Variants in ANKRD16 observed in about 807,000 individuals in gnomAD.
ANKRD16 encodes the protein ankyrin repeat domain 16, also known as ankyrin repeat domain-containing protein 16.
In ANKRD16, 35 loss-of-function variants were observed where a neutral mutation model predicts 37.9. The observed-to-expected ratio is 0.92, with a 90% CI of 0.71 to 1.23. The LOEUF (loss-of-function observed/expected upper bound fraction) is 1.23. Ranked by LOEUF, ANKRD16 falls within the 50% of genes most tolerant of loss-of-function variation. The pLI, the probability that ANKRD16 is intolerant of heterozygous loss-of-function variation, is 0.00. For synonymous variants in ANKRD16, 206 were observed against 197.2 expected, an observed-to-expected ratio of 1.04 and a Z score of -0.37; for missense variants, 480 against 469.9, an observed-to-expected ratio of 1.02 and a Z score of -0.20.
Position 5,889,073 on chromosome 10 carries a change from C to T in ANKRD16, c.282G>A (p.Gly94=). The T allele has an allele frequency of 6.4e-7, 1 of 1,562,060 alleles. No individual in the cohort carries two copies. The highest frequency in any genetic ancestry group is 8.6e-7 in the Non-Finnish European group (1 of 1,160,260). The change falls in exon 1 of 8, where the codon GGG becomes GGA. Residue 94 remains glycine (G), a synonymous_variant. Coordinates refer to ENST00000380094, the MANE Select transcript of ANKRD16 (RefSeq NM_019046.3). ...CCTTCTTCAGGCAGTCGACCGCTGCCCCCCGGCCCAGCAGGTAGCGCACGC... is the reference window on the plus strand; with the variant it reads ...CCTTCTTCAGGCAGTCGACCGCTGCTCCCCGGCCCAGCAGGTAGCGCACGC... ...RDCVRYLLGR[G]AAVDCLKKAD...
Position 5,863,995 on chromosome 10 carries a change from A to C in ANKRD16, c.*34-1304T>G, listed in dbSNP as rs1201906732. Among the ~76,000 whole-genome samples, 1 of 152,104 alleles carries C rather than the reference A, an allele frequency of 6.6e-6. No individual in the cohort carries two copies. Among genetic ancestry groups the C allele is most frequent in the Non-Finnish European group, 1.5e-5 (1 of 68,030 alleles). ...CAGTTTGACCCACAAACCCTGAAAA[A>C]GAGGTGGCTCATTTTTTTCTGCACT... On this transcript the variant is annotated intron_variant, in intron 7 of 7. Coordinates refer to ENST00000380094, the MANE Select transcript of ANKRD16 (RefSeq NM_019046.3). This position sits in a 1 kb window ranked among gnomAD's most constrained non-coding sequence, Gnocchi z 4.7.
intron 6 of ANKRD16, among the ~76,000 whole-genome samples, chr10:5,880,095 T>C (rs780289266): frequency 6.9e-6 from 1 of 145,610 alleles, no homozygotes; most frequent in Non-Finnish European, 1.5e-5. Flanking sequence ...GAGGTGGATG[T>C]TGCAGAGAGC....
intron 7 of ANKRD16, among the ~76,000 whole-genome samples, chr10:5,867,801 G>T (rs1032744148): frequency 1.3e-5 from 2 of 152,168 alleles, no homozygotes; most frequent in African/African-American, 4.8e-5. Context: ...TTCTCAGACA[G>T]CTTGCAAGAA....
Position 5,866,268 on chromosome 10 carries a change from G to A in ANKRD16, c.*34-3577C>T, listed in dbSNP as rs187840890. 1.7e-4 allele frequency among the ~76,000 whole-genome samples: 26 copies of A among 152,276 alleles called. No individual in the cohort carries two copies. Among genetic ancestry groups the A allele is most frequent in the African/African-American group, 5.8e-4 (24 of 41,554 alleles). ...ACCGATCGAGCATGACTGCCAACAA[G>A]TTATAGTCCAGACTTATGCTGCCCG... On this transcript the variant is annotated intron_variant, in intron 7 of 7. Transcript: ENST00000380094. The surrounding 1 kb of genome is among the most constrained non-coding windows in gnomAD (Gnocchi z 4.3).
At position 5,870,404 on chromosome 10, in the gene ANKRD16, C is replaced by CTT. The variant is rs771792284; in HGVS notation, c.*33+7691_*33+7692dup. Reference sequence around the variant, plus strand: ...GCCAGTCCTCATTCCCTCCCTACTGCTTTTTTTTTTTTTTTTTGAAACAGG... The same window carrying CTT: ...GCCAGTCCTCATTCCCTCCCTACTGCTTTTTTTTTTTTTTTTTTTGAAACAGG... On this transcript the variant is annotated intron_variant, in intron 7 of 7. Coordinates refer to ENST00000380094, the MANE Select transcript of ANKRD16 (RefSeq NM_019046.3). This position sits in a 1 kb window ranked among gnomAD's most constrained non-coding sequence, Gnocchi z 5.0. Among the ~76,000 whole-genome samples the CTT allele has an allele frequency of 0.01, 1,411 of 136,948 alleles. 13 individuals are homozygous for CTT. The highest frequency in any genetic ancestry group is 0.029 in the African/African-American group (1,078 of 37,276). The allele number at this position is 136,948 out of a possible 152,430, so 89.8% of individuals were successfully genotyped here.
chr10:5,865,350 A>G lies in ANKRD16; in HGVS notation c.*34-2659T>C, dbSNP rs1841998350. On this transcript the variant is annotated intron_variant, in intron 7 of 7. Transcript: ENST00000380094. The surrounding 1 kb of genome is among the most constrained non-coding windows in gnomAD (Gnocchi z 4.7). The stretch of plus-strand genomic sequence containing the variant: ...CTCTGGGCCAGAAGCCCCCAACCAG[A>G]TGATCCAACAACAGGACCGAGGGTG... Among the ~76,000 whole-genome samples the G allele has an allele frequency of 6.6e-6, 1 of 152,228 alleles. No individual in the cohort carries two copies. Among genetic ancestry groups the G allele is most frequent in the South Asian group, 2.1e-4 (1 of 4,832 alleles).
Position 5,878,170 on chromosome 10 carries a change from G to A in ANKRD16, c.1046C>T (p.Ala349Val). Residue 349 changes from alanine to valine, a missense_variant, in exon 7 of 8, where the codon GCA becomes GTA. Coordinates refer to ENST00000380094, the MANE Select transcript of ANKRD16 (RefSeq NM_019046.3). The surrounding 1 kb of genome is among the most constrained non-coding windows in gnomAD (Gnocchi z 5.1). ...GTLAQQLPRR[A>V]DVLQGSGHSA... ...ATGGCCAGAGCCCTGAAGGACATCT[G>A]CTCTCCTTGGGAGCTGCTGAGCCAG... The A allele has an allele frequency of 1.2e-6, 2 of 1,614,120 alleles. No individual in the cohort carries two copies.
rs181503323 is a variant in ANKRD16 at position 5,885,815 on chromosome 10, A to C, written c.536-50T>G. ...ATTAGAGCTTTTTAGTGCACACACA[A>C]AATGCTTCCTGCCTCCTGGCTTTGC... On this transcript the variant is annotated intron_variant, in intron 2 of 7. Coordinates refer to ENST00000380094, the MANE Select transcript of ANKRD16 (RefSeq NM_019046.3). 2.6e-6 allele frequency: 4 copies of C among 1,562,442 alleles called. No homozygotes were observed. In the African/African-American group the frequency reaches 5.5e-5, roughly 22 times the overall value.
At position 5,864,242 on chromosome 10, in the gene ANKRD16, G is replaced by T. The variant is rs1411620325; in HGVS notation, c.*34-1551C>A. Among the ~76,000 whole-genome samples the T allele has an allele frequency of 6.6e-6, 1 of 151,938 alleles. No homozygotes were observed. The highest frequency in any genetic ancestry group is 1.5e-5 in the Non-Finnish European group (1 of 68,006). ...CTTCTCAGCTTACCCCCAGATCCTA[G>T]CCTCCCTATAGCCCCTTCCTATTAA... On this transcript the variant is annotated intron_variant, in intron 7 of 7. Coordinates refer to ENST00000380094, the MANE Select transcript of ANKRD16 (RefSeq NM_019046.3). The surrounding 1 kb of genome is among the most constrained non-coding windows in gnomAD (Gnocchi z 4.4).
At chr10:5,887,222 G>A (rs1408451548) in intron 2 of ANKRD16, among the ~76,000 whole-genome samples, 1 of 152,156 alleles carries the variant, frequency 6.6e-6, no homozygotes, top group Non-Finnish European at 1.5e-5. Context: ...CCTTACCCAA[G>A]GTCAAAGACT....
chr10:5,885,620 A>G, intron 3 of ANKRD16, 103 bp downstream of exon 3: 2 of 1,271,576 alleles, frequency 1.6e-6, no homozygotes, highest in Non-Finnish European at 2.2e-6. Flanking sequence ...TTGAAAGCCT[A>G]ATTTTTTTCT....
rs1842016055 is a variant in ANKRD16 at position 5,866,519 on chromosome 10, T to C, written c.*34-3828A>G. 2.6e-5 allele frequency among the ~76,000 whole-genome samples: 4 copies of C among 152,230 alleles called. No individual in the cohort carries two copies. The South Asian group carries it at 8.3e-4, about 31-fold the overall frequency. On this transcript the variant is annotated intron_variant, in intron 7 of 7. Transcript: ENST00000380094. The surrounding 1 kb of genome is among the most constrained non-coding windows in gnomAD (Gnocchi z 4.3). ...GGGAAAGGAAAGGAGAATAAATGTG[T>C]ATACAGATAGCAAGTATGCTTATCT...
Position 5,865,659 on chromosome 10 carries a change from C to T in ANKRD16, c.*34-2968G>A, listed in dbSNP as rs1842002782. On this transcript the variant is annotated intron_variant, in intron 7 of 7. Transcript: ENST00000380094. The surrounding 1 kb of genome is among the most constrained non-coding windows in gnomAD (Gnocchi z 4.7). ...CCTCAGTTGTAATTCGGATGCTTTG[C>T]TCTTTTCACATGACTTTCTTGTTAT... Among the ~76,000 whole-genome samples the T allele has an allele frequency of 6.6e-6, 1 of 152,244 alleles. No homozygotes were observed. Among genetic ancestry groups the T allele is most frequent in the African/African-American group, 2.4e-5 (1 of 41,464 alleles).
In ANKRD16 at chr10:5,865,143, C is replaced by T. The variant is rs180997083; in HGVS notation, c.*34-2452G>A. Among the ~76,000 whole-genome samples the T allele has an allele frequency of 1.2e-3, 187 of 152,302 alleles. 1 individual carries two copies. The highest frequency in any genetic ancestry group is 4.3e-3 in the African/African-American group (180 of 41,564). On this transcript the variant is annotated intron_variant, in intron 7 of 7. Transcript: ENST00000380094. The surrounding 1 kb of genome is among the most constrained non-coding windows in gnomAD (Gnocchi z 4.7). ...AGTCATGGCCCTCAGACAAACCAAC[C>T]TTGGTGGTTCAGAGAGCACAGAAAA...
intron 7 of ANKRD16, among the ~76,000 whole-genome samples, chr10:5,867,126 C>T (rs1160234346): frequency 6.6e-5 from 10 of 152,208 alleles, no homozygotes. Context: ...CCAATACCAC[C>T]TTGTTATCAG....
Position 5,870,832 on chromosome 10 carries a change from T to C in ANKRD16, c.*33+7265A>G, listed in dbSNP as rs2131757191. On this transcript the variant is annotated intron_variant, in intron 7 of 7. Coordinates refer to ENST00000380094, the MANE Select transcript of ANKRD16 (RefSeq NM_019046.3). The surrounding 1 kb of genome is among the most constrained non-coding windows in gnomAD (Gnocchi z 5.0). ...GAGGTGTCATGTTGGTTGAAATGCC[T>C]GCAGAACCCTCCTGTTGCTGTGCTC... Among the ~76,000 whole-genome samples, 1 of 152,336 alleles carries C rather than the reference T, an allele frequency of 6.6e-6. No individual in the cohort carries two copies. Among genetic ancestry groups the C allele is most frequent in the South Asian group, 2.1e-4 (1 of 4,826 alleles).
chr10:5,883,269 G>T, intron 4 of ANKRD16, 102 bp from the exon 5 acceptor site: 1 of 1,202,796 alleles, frequency 8.3e-7, no homozygotes. Context: ...AGCTGTTTAC[G>T]CACAACTCTC....
rs189995642 is a variant in ANKRD16, at chr10:5,868,506, A to G, written c.*34-5815T>C. On this transcript the variant is annotated intron_variant, in intron 7 of 7. Coordinates refer to ENST00000380094, the MANE Select transcript of ANKRD16 (RefSeq NM_019046.3). This position sits in a 1 kb window ranked among gnomAD's most constrained non-coding sequence, Gnocchi z 4.9. ...GTAAATGCACCAATCAGCACTCTAT[A>G]AAAATGCACCAATCAGCGCTCTGTG... 8.9e-4 allele frequency among the ~76,000 whole-genome samples: 135 copies of G among 152,300 alleles called. No individual in the cohort carries two copies. The highest frequency in any genetic ancestry group is 3.2e-3 in the African/African-American group (133 of 41,554).
chr10:5,862,905 T>C lies in ANKRD16; in HGVS notation c.*34-214A>G, dbSNP rs545275544. Among the ~76,000 whole-genome samples, 26 of 152,154 alleles carry C rather than the reference T, an allele frequency of 1.7e-4. No homozygotes were observed. Among genetic ancestry groups the C allele is most frequent in the Admixed American group, 9.2e-4 (14 of 15,290 alleles). The stretch of plus-strand genomic sequence containing the variant: ...GCGCTAGATAGTAACAAGCTGTGTG[T>C]TTTGGGCATTTCCCCTGTACCAGAC... On this transcript the variant is annotated intron_variant, in intron 7 of 7. Coordinates refer to ENST00000380094, the MANE Select transcript of ANKRD16 (RefSeq NM_019046.3). This position sits in a 1 kb window ranked among gnomAD's most constrained non-coding sequence, Gnocchi z 6.5.
Sources: allele counts gnomAD v4.1 joint callset (sites outside exome capture counted in the v4.1 genomes callset), GRCh38; gene constraint gnomAD v4.1.1; non-coding constraint Gnocchi (gnomAD v3.1); transcripts MANE v1.5; gene names NCBI Gene and HGNC (gene_info 2026-07-23, HGNC 2026-07-21).